LAMB1: variants seen among roughly 807,000 people sequenced by gnomAD.
LAMB1 encodes the protein laminin subunit beta-1.
In LAMB1, 121 loss-of-function variants were observed where a neutral mutation model predicts 222.3. The observed-to-expected ratio is 0.54, with a 90% CI of 0.47 to 0.63. The LOEUF (loss-of-function observed/expected upper bound fraction) is 0.63, where lower values mean the gene tolerates loss of function less well. Among genes scored for constraint, LAMB1 ranks in the 30% least tolerant of loss-of-function variants. LAMB1 has a pLI of 0.00. For synonymous variants in LAMB1, 794 were observed against 807.2 expected, an observed-to-expected ratio of 0.98 and a Z score of 0.28; for missense variants, 2,172 against 2,240.8, an observed-to-expected ratio of 0.97 and a Z score of 0.62.
chr7:107,965,247 G>C (rs935434891), intron 13 of LAMB1, among the ~76,000 whole-genome samples: 6 of 152,178 alleles, frequency 3.9e-5, no homozygotes, highest in Non-Finnish European at 7.3e-5. Flanking sequence ...TGCATCTTGT[G>C]TCTCTCTTCC....
rs752042998 is a variant in LAMB1 at position 107,978,152 on chromosome 7, T to C, written c.895A>G (p.Met299Val). 1.9e-6 allele frequency: 3 copies of C among 1,614,036 alleles called. No homozygotes were observed. The highest frequency in any genetic ancestry group is 1.3e-5 in the African/African-American group (1 of 74,942). Residue 299 changes from methionine to valine, a missense_variant, in exon 9 of 34, where the codon ATG (methionine) becomes GTG (valine). Transcript: ENST00000222399. The part of the protein sequence containing the change: ...EVEGMVHGHC[M>V]CRHNTKGLNC... Reference sequence around the variant, plus strand: ...AAGCCCTTGGTGTTATGCCTGCACATGCAGTGTCCGTGAACCTTGAAAGTT... The same window carrying C: ...AAGCCCTTGGTGTTATGCCTGCACACGCAGTGTCCGTGAACCTTGAAAGTT...
At chr7:107,985,841 C>T (rs2034064890) in intron 7 of LAMB1, among the ~76,000 whole-genome samples, 181 bp downstream of exon 7, 2 of 151,710 alleles carry the variant, frequency 1.3e-5, no homozygotes. Flanking sequence ...CCTGTAATTC[C>T]AGCTACTTAG....
chr7:107,931,401 C>T lies in LAMB1; in HGVS notation c.4492G>A (p.Glu1498Lys). The change falls in exon 29 of 34, where the codon GAG becomes AAG. Residue 1498 changes from glutamate to lysine, a missense_variant. Transcript: ENST00000222399. Reference protein sequence around the residue: ...ATKEKMDKSNEELRNLIKQIR... With the variant: ...ATKEKMDKSNKELRNLIKQIR... Reference sequence around the variant, plus strand: ...TGCTTGATTAGATTTCTCAGCTCCTCATTGCTCTTGTCCATTTTTTCTTTG... The same window carrying T: ...TGCTTGATTAGATTTCTCAGCTCCTTATTGCTCTTGTCCATTTTTTCTTTG... 6.2e-7 allele frequency: 1 copy of T among 1,613,934 alleles called. No homozygotes were observed. Among genetic ancestry groups the T allele is most frequent in the African/African-American group, 1.3e-5 (1 of 75,048 alleles).
rs755571681 is a variant in LAMB1 at position 107,940,241 on chromosome 7, G to A, written c.3509C>T (p.Ser1170Leu). ...GGGTGTGCAGTCAGGGAAGACCCCCGAGTACCCTCGCGTGCACTTGTCACA... is the reference window on the plus strand; with the variant it reads ...GGGTGTGCAGTCAGGGAAGACCCCCAAGTACCCTCGCGTGCACTTGTCACA... The part of the protein sequence containing the change: ...PRCDKCTRGY[S>L]GVFPDCTPCH... The change falls in exon 25 of 34, where the codon TCG (serine) becomes TTG (leucine). Residue 1170 changes from serine (S) to leucine (L), a missense_variant. Ser to Leu is a moderately radical substitution (Grantham distance 145). Transcript: ENST00000222399. The A allele has an allele frequency of 7.4e-6, 12 of 1,614,194 alleles. No homozygotes were observed. Among genetic ancestry groups the A allele is most frequent in the East Asian group, 2.2e-5 (1 of 44,874 alleles).
At chr7:107,963,188 T>A in intron 14 of LAMB1, 125 bp from the exon 15 acceptor site, 1 of 821,106 alleles carries the variant, frequency 1.2e-6, no homozygotes, top group Non-Finnish European at 1.9e-6. Flanking sequence ...CTATTTTTTA[T>A]AGTCAAATCT....
intron 27 of LAMB1, among the ~76,000 whole-genome samples, chr7:107,933,883 C>G (rs1168958032): frequency 6.6e-5 from 10 of 152,216 alleles, no homozygotes; most frequent in African/African-American, 2.4e-4. Context: ...ACCGCCCATG[C>G]ATCTCCCTGC....
chr7:107,943,599 G>T (rs1183670118), intron 24 of LAMB1, among the ~76,000 whole-genome samples: 3 of 151,986 alleles, frequency 2.0e-5, no homozygotes, highest in Non-Finnish European at 2.9e-5. Flanking sequence ...CACCTGGAAG[G>T]TTCATAAAAA....
At chr7:107,930,028 T>TA (rs2032667265) in intron 29 of LAMB1, 1 of 184,014 alleles carries the variant, frequency 5.4e-6, no homozygotes. Flanking sequence ...GGCCAGAGCT[T>TA]AAAGCTGAGA....
At chr7:107,929,366 G>T in intron 30 of LAMB1, 46 bp downstream of exon 30, 1 of 1,556,636 alleles carries the variant, frequency 6.4e-7, no homozygotes, top group Non-Finnish European at 8.9e-7. Context: ...TTTACTCCAT[G>T]ATAGATACAC....
chr7:108,002,739 G>T, intron 2 of LAMB1, 110 bp downstream of exon 2: 1 of 1,460,616 alleles, frequency 6.8e-7, no homozygotes, highest in Non-Finnish European at 9.4e-7. Flanking sequence ...TTTCCATCCA[G>T]TCCCTCTCCC....
intron 31 of LAMB1, among the ~76,000 whole-genome samples, chr7:107,928,783 A>G (rs1229795325): frequency 6.6e-6 from 1 of 152,184 alleles, no homozygotes; most frequent in Non-Finnish European, 1.5e-5. Context: ...GTGAGCCACC[A>G]TGCCCGCCCA....
At chr7:107,977,759 A>C (rs963412498) in intron 9 of LAMB1, among the ~76,000 whole-genome samples, 3 of 151,242 alleles carry the variant, frequency 2.0e-5, no homozygotes, top group East Asian at 1.9e-4. Flanking sequence ...CCTAGGCGAC[A>C]AAAAAAAACC....
At chr7:107,939,545 T>C (rs1165554570) in intron 25 of LAMB1, among the ~76,000 whole-genome samples, 5 of 152,200 alleles carry the variant, frequency 3.3e-5, no homozygotes. Context: ...TATATATAAA[T>C]CCTTTCATTA....
At chr7:107,939,532 T>C (rs190399255) in intron 25 of LAMB1, among the ~76,000 whole-genome samples, 124 of 152,334 alleles carry the variant, frequency 8.1e-4, no homozygotes, top group African/African-American at 2.8e-3. Context: ...CCTGTTGTTA[T>C]TTTATATATA....
At chr7:107,925,243 A>C (rs1024944849) in intron 32 of LAMB1, among the ~76,000 whole-genome samples, 2 of 152,190 alleles carry the variant, frequency 1.3e-5, no homozygotes, top group Non-Finnish European at 2.9e-5. Flanking sequence ...AAATTAGGTC[A>C]GTAAATGCAG....
At chr7:107,971,188 T>C (rs1358248136) in intron 13 of LAMB1, among the ~76,000 whole-genome samples, 2 of 152,240 alleles carry the variant, frequency 1.3e-5, no homozygotes, top group Non-Finnish European at 2.9e-5. Flanking sequence ...ATTCTGTCCC[T>C]CAACAAAGTA....
chr7:107,938,238 C>A (rs1444524631), intron 25 of LAMB1, among the ~76,000 whole-genome samples: 1 of 152,110 alleles, frequency 6.6e-6, no homozygotes, highest in African/African-American at 2.4e-5. Flanking sequence ...AAAACTATAA[C>A]CCAACTCAAA....
chr7:107,951,709 A>C (rs2116394664), intron 23 of LAMB1, among the ~76,000 whole-genome samples: 1 of 152,308 alleles, frequency 6.6e-6, no homozygotes, highest in South Asian at 2.1e-4. Flanking sequence ...CCTTTCGAGA[A>C]GCTAAGAAAA....
chr7:107,929,436 A>G lies in LAMB1; in HGVS notation c.4721T>C (p.Leu1574Ser). 1 of 1,614,134 alleles carries G rather than the reference A, an allele frequency of 6.2e-7. No individual in the cohort carries two copies. The highest frequency in any genetic ancestry group is 8.5e-7 in the Non-Finnish European group (1 of 1,179,998). ...CCTTGCTCTTTTAGCTTCTTCTAAC[A>G]ACATCTCAGCTCTGGCAATGTCAGC... Reference protein sequence around the residue: ...SAADIARAEMLLEEAKRASKS... With the variant: ...SAADIARAEMSLEEAKRASKS... Residue 1574 changes from leucine to serine, a missense_variant, in exon 30 of 34, where the codon TTG becomes TCG. Transcript: ENST00000222399.
Sources: allele counts gnomAD v4.1 joint callset (sites outside exome capture counted in the v4.1 genomes callset), GRCh38; gene constraint gnomAD v4.1.1; transcripts MANE v1.5; gene names NCBI Gene and HGNC (gene_info 2026-07-23, HGNC 2026-07-21).